Variants in EIPR1 observed in about 807,000 individuals in gnomAD.
EIPR1 encodes EARP complex and GARP complex interacting protein 1, also known as EARP and GARP complex-interacting protein 1.
In EIPR1, 25 loss-of-function variants were observed where a neutral mutation model predicts 48.1. The ratio of observed to expected loss-of-function variants is 0.52; its 90% CI spans 0.38 to 0.73. The LOEUF (loss-of-function observed/expected upper bound fraction) is 0.73, where lower values mean the gene tolerates loss of function less well. EIPR1 is among the 30% of genes least tolerant of loss of function. The probability of loss-of-function intolerance (pLI) is 0.00; values close to 1 mark genes in which losing one functional copy is unlikely to be tolerated. For synonymous variants in EIPR1, 204 were observed against 201.9 expected (o/e 1.01, Z -0.09); for missense variants, 415 against 506.2 (o/e 0.82, Z 1.73).
intron 3 of EIPR1, among the ~76,000 whole-genome samples, chr2:3,291,472 A>T (rs1303642475): frequency 6.6e-6 from 1 of 152,220 alleles, no homozygotes; most frequent in East Asian, 1.9e-4. Context: ...AGTCTAAGAG[A>T]GATGGTTAGT....
At chr2:3,368,826 A>T (rs928396068) in intron 1 of EIPR1, among the ~76,000 whole-genome samples, 3 of 152,224 alleles carry the variant, frequency 2.0e-5, no homozygotes, top group East Asian at 1.9e-4. Context: ...TTTCAAATAT[A>T]ATTATAAAAA....
At chr2:3,248,263 C>A (rs1666898166) in intron 4 of EIPR1, among the ~76,000 whole-genome samples, 1 of 152,200 alleles carries the variant, frequency 6.6e-6, no homozygotes, top group African/African-American at 2.4e-5. Flanking sequence ...GCCTGACCAA[C>A]ATGGTGAAAC....
At chr2:3,265,580 A>G (rs1249919058) in intron 3 of EIPR1, among the ~76,000 whole-genome samples, 3 of 152,184 alleles carry the variant, frequency 2.0e-5, no homozygotes, top group Admixed American at 2.0e-4. Flanking sequence ...TCCTGAACTG[A>G]GGTTCTGTAA....
intron 4 of EIPR1, among the ~76,000 whole-genome samples, chr2:3,255,009 T>C (rs1667109760): frequency 6.6e-6 from 1 of 152,126 alleles, no homozygotes; most frequent in Non-Finnish European, 1.5e-5. Flanking sequence ...TATGTGAATG[T>C]ACAACCTCAA....
At chr2:3,355,478 T>G (rs1021083792) in intron 1 of EIPR1, among the ~76,000 whole-genome samples, 13 of 152,134 alleles carry the variant, frequency 8.5e-5, no homozygotes, top group Non-Finnish European at 1.5e-5. Context: ...AAGTCTAAAA[T>G]CTGACACTGA....
intron 3 of EIPR1, among the ~76,000 whole-genome samples, chr2:3,326,012 G>A (rs1431617636): frequency 6.6e-6 from 1 of 152,222 alleles, no homozygotes; most frequent in Non-Finnish European, 1.5e-5. Context: ...TTTGTTGCCT[G>A]TGCCAGGGGC....
chr2:3,217,328 G>A (rs565329790), intron 4 of EIPR1, among the ~76,000 whole-genome samples: 4 of 152,188 alleles, frequency 2.6e-5, no homozygotes, highest in Admixed American at 6.5e-5. Flanking sequence ...TCACCGCCAA[G>A]AATCACTGGG....
At chr2:3,242,290 A>G (rs4854153) in intron 4 of EIPR1, among the ~76,000 whole-genome samples, 149 of 12,408 alleles carry the variant, frequency 0.012, 26 homozygotes, top group Middle Eastern at 0.14. Flanking sequence ...TCAGGCCCCT[A>G]ACTCCACACC....
intron 8 of EIPR1, among the ~76,000 whole-genome samples, chr2:3,190,369 G>A (rs557589642): frequency 6.6e-6 from 1 of 152,280 alleles, no homozygotes; most frequent in Admixed American, 6.5e-5. Flanking sequence ...CACCCCCCCA[G>A]CAAGACGGAC....
chr2:3,329,127 C>T (rs77515840), intron 3 of EIPR1, among the ~76,000 whole-genome samples: 331 of 98,426 alleles, frequency 3.4e-3, no homozygotes, highest in Middle Eastern at 9.6e-3. Context: ...GATCTCAGGG[C>T]ACCAGCCTGG....
chr2:3,352,001 C>T (rs1302147005), intron 2 of EIPR1, among the ~76,000 whole-genome samples: 1 of 148,346 alleles, frequency 6.7e-6, no homozygotes, highest in African/African-American at 2.5e-5. Context: ...ACAGAAGCTA[C>T]CTGCCCCTGA....
At chr2:3,345,086 G>T (rs1670359514) in intron 2 of EIPR1, among the ~76,000 whole-genome samples, 1 of 152,138 alleles carries the variant, frequency 6.6e-6, no homozygotes. Context: ...GAAGCACGTT[G>T]CTCAGAACTG....
At chr2:3,328,003 T>A (rs781642671) in intron 3 of EIPR1, among the ~76,000 whole-genome samples, 39 of 152,230 alleles carry the variant, frequency 2.6e-4, no homozygotes, top group Non-Finnish European at 3.5e-4. Flanking sequence ...CACCTTGGTC[T>A]CCATTTCTAA....
At chr2:3,290,257 A>G (rs1165108385) in intron 3 of EIPR1, among the ~76,000 whole-genome samples, 1 of 152,258 alleles carries the variant, frequency 6.6e-6, no homozygotes, top group East Asian at 1.9e-4. Flanking sequence ...GCAGAATAAG[A>G]TGCACAACGA....
At position 3,209,178 on chromosome 2, in the gene EIPR1, C is replaced by T. The variant is rs147782955; in HGVS notation, c.516+4971G>A. Among the ~76,000 whole-genome samples the T allele has an allele frequency of 3.7e-3, 567 of 152,298 alleles. 2 individuals carry two copies. The highest frequency in any genetic ancestry group is 0.01 in the Middle Eastern group (3 of 294). ...GTTGGAGAGAGAGGGCAGGCCCACG[C>T]GGCACATAAGGAGACACGCAGTGGG... On this transcript the variant is annotated intron_variant, in intron 5 of 8. Coordinates refer to ENST00000382125, the MANE Select transcript of EIPR1 (RefSeq NM_003310.5).
intron 5 of EIPR1, among the ~76,000 whole-genome samples, chr2:3,201,898 T>C (rs1665047636): frequency 6.6e-6 from 1 of 152,182 alleles, no homozygotes; most frequent in African/African-American, 2.4e-5. Flanking sequence ...AACTTACAGT[T>C]AGTTAGGTTC....
At chr2:3,237,127 G>C (rs1375582416) in intron 4 of EIPR1, among the ~76,000 whole-genome samples, 1 of 152,012 alleles carries the variant, frequency 6.6e-6, no homozygotes, top group East Asian at 1.9e-4. Flanking sequence ...CTGGGAGATG[G>C]GGAGGGCGAG....
chr2:3,262,931 G>A (rs1452321035), intron 3 of EIPR1, among the ~76,000 whole-genome samples: 3 of 152,154 alleles, frequency 2.0e-5, no homozygotes, highest in Admixed American at 6.5e-5. Flanking sequence ...GAGTCAGGCA[G>A]GACCAGAGGG....
chr2:3,226,963 A>G (rs1666083940), intron 4 of EIPR1, among the ~76,000 whole-genome samples: 1 of 152,194 alleles, frequency 6.6e-6, no homozygotes. Flanking sequence ...GCCCTGTGGA[A>G]CTGTAAGTCC....
Sources: allele counts gnomAD v4.1 joint callset (sites outside exome capture counted in the v4.1 genomes callset), GRCh38; gene constraint gnomAD v4.1.1; transcripts MANE v1.5; gene names NCBI Gene and HGNC (gene_info 2026-07-23, HGNC 2026-07-21).